The following RSRC1 variants were observed in gnomAD, a reference collection of about 807,000 sequenced individuals.
RSRC1 encodes the protein serine/Arginine-related protein 53.
RSRC1 carries 39 observed loss-of-function variants against 49.1 expected under a neutral mutation model. The ratio of observed to expected loss-of-function variants is 0.79; its 90% CI spans 0.61 to 1.04. The LOEUF (loss-of-function observed/expected upper bound fraction) is 1.04, where lower values mean the gene tolerates loss of function less well. Among genes scored for constraint, RSRC1 ranks in the 50% least tolerant of loss-of-function variants. The pLI is 0.00. For synonymous variants in RSRC1, 143 were observed against 130.8 expected (o/e 1.09, Z -0.63); for missense variants, 388 against 402.4 (o/e 0.96, Z 0.31).
At chr3:158,519,679 G>A (rs145642518) in intron 7 of RSRC1, among the ~76,000 whole-genome samples, 416 of 152,226 alleles carry the variant, frequency 2.7e-3, no homozygotes, top group African/African-American at 9.8e-3. Flanking sequence ...TATTCTAAAT[G>A]AGTTAAGAGG....
chr3:158,229,713 C>T (rs1722845514), intron 4 of RSRC1, among the ~76,000 whole-genome samples: 1 of 151,736 alleles, frequency 6.6e-6, no homozygotes, highest in African/African-American at 2.4e-5. Flanking sequence ...CTTGTATATG[C>T]CCTTTATCCA....
At chr3:158,255,821 G>A (rs1165156600) in intron 4 of RSRC1, among the ~76,000 whole-genome samples, 1 of 152,130 alleles carries the variant, frequency 6.6e-6, no homozygotes, top group African/African-American at 2.4e-5. Flanking sequence ...TGTAGCAATT[G>A]TGAATGGGAG....
chr3:158,212,115 T>C (rs1056279556), intron 4 of RSRC1, among the ~76,000 whole-genome samples: 3 of 151,956 alleles, frequency 2.0e-5, no homozygotes, highest in African/African-American at 7.2e-5. Flanking sequence ...AATGTTACGA[T>C]TACAAATTAC....
intron 6 of RSRC1, among the ~76,000 whole-genome samples, chr3:158,420,014 C>G (rs1335141893): frequency 6.6e-6 from 1 of 151,804 alleles, no homozygotes; most frequent in Non-Finnish European, 1.5e-5. Flanking sequence ...CCTCACTGCT[C>G]TCTCCCCCCA....
At chr3:158,234,776 AT>A (rs1224344209) in intron 4 of RSRC1, among the ~76,000 whole-genome samples, 1 of 152,104 alleles carries the variant, frequency 6.6e-6, no homozygotes, top group Non-Finnish European at 1.5e-5. Context: ...ACAAACGAAG[AT>A]TTTTTATTGT....
At chr3:158,334,523 C>T (rs1191852298) in intron 5 of RSRC1, among the ~76,000 whole-genome samples, 2 of 150,410 alleles carry the variant, frequency 1.3e-5, no homozygotes, top group Non-Finnish European at 2.9e-5. Context: ...ACTGTGTCGC[C>T]AGGCTGGAGT....
intron 5 of RSRC1, among the ~76,000 whole-genome samples, chr3:158,343,180 A>G (rs1730352426): frequency 1.3e-5 from 2 of 152,226 alleles, no homozygotes; most frequent in Admixed American, 1.3e-4. Context: ...CCTGTTCTCA[A>G]CAACCTTCAT....
At chr3:158,512,505 T>G (rs1330476412) in intron 7 of RSRC1, among the ~76,000 whole-genome samples, 1 of 152,244 alleles carries the variant, frequency 6.6e-6, no homozygotes, top group South Asian at 2.1e-4. Context: ...CCATGCTGTT[T>G]TGTTTACTGT....
In RSRC1 at chr3:158,126,343, G is replaced by A. The variant is rs75955797; in HGVS notation, c.320+2352G>A. On this transcript the variant is annotated intron_variant, in intron 3 of 9. Coordinates refer to ENST00000611884, the MANE Select transcript of RSRC1 (RefSeq NM_001271838.2). Reference sequence around the variant, plus strand: ...GTTTTGTTGATTTTTGTATTGACATGCTATGATTTTTTTTCTGATTTTATT... The same window carrying A: ...GTTTTGTTGATTTTTGTATTGACATACTATGATTTTTTTTCTGATTTTATT... Among the ~76,000 whole-genome samples, 207 of 151,868 alleles carry A rather than the reference G, an allele frequency of 1.4e-3. 1 individual carries two copies. The highest frequency in any genetic ancestry group is 3.9e-3 in the African/African-American group (163 of 41,458).
chr3:158,538,580 T>C lies in RSRC1; in HGVS notation c.759+1382T>C. On this transcript the variant is annotated intron_variant, in intron 8 of 9. Transcript: ENST00000611884. ...TTATGATAAACTAGCATTTTCATTC[T>C]GTAGAAATGCTTATTCTTCCACAGT... 1.3e-5 allele frequency among the ~76,000 whole-genome samples: 2 copies of C among 151,980 alleles called. 1 individual carries two copies. Among genetic ancestry groups the C allele is most frequent in the South Asian group, 4.1e-4 (2 of 4,838 alleles).
chr3:158,164,269 T>C (rs1169997269), intron 3 of RSRC1, among the ~76,000 whole-genome samples: 2 of 152,058 alleles, frequency 1.3e-5, no homozygotes, highest in African/African-American at 4.8e-5. Context: ...ATCTATCATA[T>C]GTCGAACTAT....
Position 158,141,834 on chromosome 3 carries a change from A to G in RSRC1, c.320+17843A>G, listed in dbSNP as rs181601329. Among the ~76,000 whole-genome samples the G allele has an allele frequency of 8.5e-5, 13 of 152,354 alleles. No homozygotes were observed. In the East Asian group the frequency reaches 2.3e-3, roughly 27 times the overall value. On this transcript the variant is annotated intron_variant, in intron 3 of 9. Coordinates refer to ENST00000611884, the MANE Select transcript of RSRC1 (RefSeq NM_001271838.2). ...ATTTCTCGGCCAGGCGTGGTGGCTC[A>G]TGCCTGTAATCCCAGCACTTTGGGA...
chr3:158,504,771 G>A (rs893426394), intron 7 of RSRC1, among the ~76,000 whole-genome samples: 3 of 152,176 alleles, frequency 2.0e-5, no homozygotes, highest in African/African-American at 7.2e-5. Context: ...CTTGATTATT[G>A]AAGGATATAG....
intron 3 of RSRC1, among the ~76,000 whole-genome samples, chr3:158,164,506 T>G (rs1379011671): frequency 1.3e-5 from 2 of 152,146 alleles, no homozygotes; most frequent in African/African-American, 4.8e-5. Flanking sequence ...AATGATTTTA[T>G]ATTGTATTTT....
chr3:158,404,429 C>T (rs1331064022), intron 6 of RSRC1, among the ~76,000 whole-genome samples: 2 of 151,976 alleles, frequency 1.3e-5, no homozygotes, highest in Admixed American at 1.3e-4. Context: ...TTATCTTCCC[C>T]TCTGAATGAT....
intron 5 of RSRC1, among the ~76,000 whole-genome samples, chr3:158,329,047 C>T (rs576827307): frequency 1.3e-5 from 2 of 152,222 alleles, no homozygotes; most frequent in Admixed American, 6.5e-5. Context: ...GAAGGTTGTG[C>T]ATTTGTCACA....
chr3:158,446,055 T>C (rs1736692531), intron 6 of RSRC1, among the ~76,000 whole-genome samples: 1 of 152,114 alleles, frequency 6.6e-6, no homozygotes, highest in Non-Finnish European at 1.5e-5. Context: ...AATTAATGCC[T>C]ACTTGAAAAT....
At chr3:158,312,546 G>C (rs887341738) in intron 5 of RSRC1, among the ~76,000 whole-genome samples, 5 of 152,150 alleles carry the variant, frequency 3.3e-5, no homozygotes, top group African/African-American at 1.2e-4. Flanking sequence ...TAAGTTTTTA[G>C]AAGGAAAAGT....
intron 5 of RSRC1, among the ~76,000 whole-genome samples, chr3:158,341,152 CG>C (rs1730214220): frequency 6.6e-6 from 1 of 151,842 alleles, no homozygotes. Context: ...AGCCTGACTA[CG>C]CAATAGAAAA....
Sources: gnomAD v4.1 joint callset for allele counts (sites outside exome capture counted in the v4.1 genomes callset) on GRCh38, gnomAD v4.1.1 for gene constraint, MANE v1.5 for transcripts, NCBI Gene and HGNC (gene_info 2026-07-23, HGNC 2026-07-21) for gene names.